Variants in CHRM3 observed in about 807,000 individuals in gnomAD.
The protein encoded by CHRM3 is cholinergic receptor muscarinic 3.
Under a neutral mutation model 41.8 loss-of-function variants are expected in CHRM3, and 11 were observed. The observed-to-expected ratio is 0.26, with a 90% CI of 0.17 to 0.44. The LOEUF is 0.44. Ranked by LOEUF, CHRM3 falls within the 20% of genes least tolerant of loss-of-function variation. The pLI is 1.00. For synonymous variants in CHRM3, 297 were observed against 301.4 expected, an observed-to-expected ratio of 0.99 and a Z score of 0.15; for missense variants, 571 against 745.4, an observed-to-expected ratio of 0.77 and a Z score of 2.72.
At chr1:239,510,337 A>G (rs917874302) in intron 2 of CHRM3, among the ~76,000 whole-genome samples, 13 of 152,170 alleles carry the variant, frequency 8.5e-5, no homozygotes, top group African/African-American at 2.9e-4. Flanking sequence ...TATCTTCTAC[A>G]GTGTTTTCTT....
At chr1:239,421,930 T>G (rs996148004) in intron 1 of CHRM3, among the ~76,000 whole-genome samples, 1 of 152,228 alleles carries the variant, frequency 6.6e-6, no homozygotes, top group Non-Finnish European at 1.5e-5. Flanking sequence ...TATTTTACAC[T>G]GTAGAATGTG....
At chr1:239,543,049 TTTG>T (rs1271678676) in intron 2 of CHRM3, among the ~76,000 whole-genome samples, 4 of 152,284 alleles carry the variant, frequency 2.6e-5, no homozygotes, top group African/African-American at 9.6e-5. Context: ...AGTTCTTCTG[TTTG>T]TTGTTATCAT....
chr1:239,410,879 C>A (rs538062492), intron 1 of CHRM3, among the ~76,000 whole-genome samples: 1 of 152,282 alleles, frequency 6.6e-6, no homozygotes, highest in South Asian at 2.1e-4. Flanking sequence ...ATTCTGAGCA[C>A]GATTTCATTT....
At position 239,609,097 on chromosome 1, in the gene CHRM3, G is replaced by T. The variant is rs1439949570; in HGVS notation, c.-312-23127G>T. ...AGATGATGAGTGTGTTCCACACTTT[G>T]TAATACATTGTCATGTCTTTGCAAT... On this transcript the variant is annotated intron_variant, in intron 3 of 6. Coordinates refer to ENST00000676153, the MANE Select transcript of CHRM3 (RefSeq NM_001375978.1). 2.0e-5 allele frequency among the ~76,000 whole-genome samples: 3 copies of T among 152,112 alleles called. No individual in the cohort carries two copies. The South Asian group carries it at 6.2e-4, about 32-fold the overall frequency.
At chr1:239,538,349 G>A (rs16838446) in intron 2 of CHRM3, among the ~76,000 whole-genome samples, 14 of 152,040 alleles carry the variant, frequency 9.2e-5, no homozygotes, top group South Asian at 6.2e-4. Context: ...TCTGTTGGCC[G>A]TTTGCCCTAA....
rs1469298039 is a variant in CHRM3 at position 239,908,628 on chromosome 1, G to A, written c.1177G>A (p.Glu393Lys). The change falls in exon 7 of 7, where the codon GAG becomes AAG. Residue 393 changes from glutamate (E) to lysine (K), a missense_variant. Transcript: ENST00000676153. The surrounding 1 kb of genome is among the most constrained non-coding windows in gnomAD (Gnocchi z 7.2). ...LPSSDNLQVP[E>K]EELGMVDLER... ...CTCATCGGACAACCTGCAGGTGCCT[G>A]AGGAGGAGCTGGGGATGGTGGACTT... is the stretch of plus-strand genomic sequence containing the variant. The A allele has an allele frequency of 1.2e-6, 2 of 1,610,912 alleles. No homozygotes were observed. The highest frequency in any genetic ancestry group is 1.7e-6 in the Non-Finnish European group (2 of 1,178,576).
chr1:239,675,300 C>A lies in CHRM3; in HGVS notation c.-249-2886C>A, dbSNP rs1439159768. The stretch of plus-strand genomic sequence containing the variant: ...TTTAAAAATCTTATCCAAGCTTGTG[C>A]CCATTAGGTTTCTCAGAGACTTTTT... On this transcript the variant is annotated intron_variant, in intron 4 of 6. Coordinates refer to ENST00000676153, the MANE Select transcript of CHRM3 (RefSeq NM_001375978.1). 3.9e-5 allele frequency among the ~76,000 whole-genome samples: 6 copies of A among 152,158 alleles called. No individual in the cohort carries two copies. The East Asian group carries it at 1.2e-3, about 29-fold the overall frequency.
intron 5 of CHRM3, among the ~76,000 whole-genome samples, chr1:239,825,976 A>C (rs1672424080): frequency 6.6e-6 from 1 of 152,238 alleles, no homozygotes; most frequent in Non-Finnish European, 1.5e-5. Flanking sequence ...ATACTATATG[A>C]TACCATTTAC....
intron 1 of CHRM3, among the ~76,000 whole-genome samples, chr1:239,449,794 T>C (rs1030532867): frequency 3.3e-5 from 5 of 151,852 alleles, no homozygotes; most frequent in African/African-American, 1.2e-4. Flanking sequence ...TATAAAATTG[T>C]ATCATAGAGG....
intron 5 of CHRM3, among the ~76,000 whole-genome samples, chr1:239,759,157 GTTTTTTTTTTTGTT>G (rs1666492762): frequency 8.2e-6 from 1 of 121,646 alleles, no homozygotes; most frequent in Non-Finnish European, 1.7e-5. Flanking sequence ...AGCTTTATGG[GTTTTTTTTTTTGTT>G]TTTTTTTTTT....
rs1680417333 is a variant in CHRM3 at position 239,912,456 on chromosome 1, T to A, written c.*3232T>A. ...ACGGAATGAAAACAAACAAGAAGCC[T>A]AAGCGTTAGACCCTGCTGTGGCTAA... On this transcript the variant is annotated 3_prime_UTR_variant, in exon 7 of 7. Coordinates refer to ENST00000676153, the MANE Select transcript of CHRM3 (RefSeq NM_001375978.1). 6.0e-6 allele frequency: 1 copy of A among 167,160 alleles called. No homozygotes were observed. Among genetic ancestry groups the A allele is most frequent in the Non-Finnish European group, 1.5e-5 (1 of 68,152 alleles). The allele number at this position is 167,160 out of a possible 1,614,324, so 10.4% of individuals were successfully genotyped here.
chr1:239,623,494 T>A (rs1309610012), intron 3 of CHRM3, among the ~76,000 whole-genome samples: 2 of 129,126 alleles, frequency 1.5e-5, no homozygotes, highest in Admixed American at 7.8e-5. Flanking sequence ...TTTTTTTTTT[T>A]TTAATTTTTT....
intron 3 of CHRM3, among the ~76,000 whole-genome samples, chr1:239,558,123 TC>T (rs2148476443): frequency 6.6e-6 from 1 of 152,340 alleles, no homozygotes; most frequent in African/African-American, 2.4e-5. Flanking sequence ...CATTCCTATT[TC>T]TCTGCAACCT....
intron 3 of CHRM3, among the ~76,000 whole-genome samples, chr1:239,581,106 G>T (rs903239412): frequency 1.3e-5 from 2 of 151,944 alleles, no homozygotes; most frequent in African/African-American, 4.8e-5. Flanking sequence ...TGGTAGGAAG[G>T]GAGAACATGC....
chr1:239,596,146 A>G (rs756214325), intron 3 of CHRM3, among the ~76,000 whole-genome samples: 1 of 152,194 alleles, frequency 6.6e-6, no homozygotes, highest in Non-Finnish European at 1.5e-5. Context: ...CAATGTTGAG[A>G]TAACCTCTCT....
intron 1 of CHRM3, among the ~76,000 whole-genome samples, chr1:239,399,231 A>T (rs1659752670): frequency 6.6e-6 from 1 of 152,064 alleles, no homozygotes; most frequent in Admixed American, 6.6e-5. Context: ...TATAGTTGAC[A>T]ATTAAACATT....
chr1:239,435,657 A>G (rs1233590005), intron 1 of CHRM3, among the ~76,000 whole-genome samples: 1 of 152,102 alleles, frequency 6.6e-6, no homozygotes, highest in Non-Finnish European at 1.5e-5. Flanking sequence ...TACTTAAAAA[A>G]AAGTGTGCGC....
intron 4 of CHRM3, among the ~76,000 whole-genome samples, chr1:239,632,974 C>T (rs1372290355): frequency 6.6e-6 from 1 of 152,164 alleles, no homozygotes; most frequent in Non-Finnish European, 1.5e-5. Flanking sequence ...CAAGCCATGT[C>T]TTTTTTGTTT....
intron 6 of CHRM3, among the ~76,000 whole-genome samples, chr1:239,897,074 G>A (rs2102983337): frequency 6.6e-6 from 1 of 152,294 alleles, no homozygotes; most frequent in South Asian, 2.1e-4. Flanking sequence ...TAGGATCAGA[G>A]TGCCTAGGCA....
Sources: allele counts gnomAD v4.1 joint callset (sites outside exome capture counted in the v4.1 genomes callset), GRCh38; gene constraint gnomAD v4.1.1; non-coding constraint Gnocchi (gnomAD v3.1); transcripts MANE v1.5; gene names NCBI Gene and HGNC (gene_info 2026-07-23, HGNC 2026-07-21).